The following SPATA33 variants were observed in gnomAD, a reference collection of about 807,000 sequenced individuals.
SPATA33 encodes the protein spermatogenesis-associated protein 33.
In SPATA33, 10 loss-of-function variants were observed where a neutral mutation model predicts 8.9. The ratio of observed to expected loss-of-function variants is 1.12; its 90% CI spans 0.69 to 1.90. The LOEUF (loss-of-function observed/expected upper bound fraction) is 1.90, where lower values mean the gene tolerates loss of function less well. Among genes scored for constraint, SPATA33 ranks in the 40% most tolerant of loss-of-function variants. The pLI is 0.00. For synonymous variants in SPATA33, 96 were observed against 72.8 expected, an observed-to-expected ratio of 1.32 and a Z score of -1.63; for missense variants, 241 against 178.3, an observed-to-expected ratio of 1.35 and a Z score of -2.00.
chr16:89,668,629 C>T (rs991175966), intron 2 of SPATA33, among the ~76,000 whole-genome samples: 7 of 150,696 alleles, frequency 4.6e-5, no homozygotes, highest in African/African-American at 1.2e-4. Context: ...AGGGGGCGGG[C>T]GGCTGTGTCT....
rs1463059321 is a variant in SPATA33 at position 89,669,943 on chromosome 16, C to A, written c.*446C>A. The A allele has an allele frequency of 1.1e-5, 2 of 175,490 alleles. No homozygotes were observed. The highest frequency in any genetic ancestry group is 2.2e-4 in the South Asian group (2 of 9,078). 10.9% of individuals were successfully genotyped at this position (175,490 alleles called of 1,614,324 possible). On this transcript the variant is annotated 3_prime_UTR_variant, in exon 3 of 3. Coordinates refer to ENST00000579310, the MANE Select transcript of SPATA33 (RefSeq NM_001271907.2). ...GGGAGGGTGCACCAGGGCTGCCCCA[C>A]GCTGTAAGAAGCCGCCGCCCCCTTC...
In SPATA33 at chr16:89,669,564, T is replaced by G; in HGVS notation, c.*67T>G. On this transcript the variant is annotated 3_prime_UTR_variant, in exon 3 of 3. Coordinates refer to ENST00000579310, the MANE Select transcript of SPATA33 (RefSeq NM_001271907.2). ...CGTCTCGGGAACAGCCGCCTCACCC[T>G]GTGAGAAGCCGAGGCCCCTTCTCCA... The G allele has an allele frequency of 6.6e-7, 1 of 1,526,012 alleles. No homozygotes were observed. Among genetic ancestry groups the G allele is most frequent in the Non-Finnish European group, 9.0e-7 (1 of 1,116,272 alleles). 94.5% of individuals were successfully genotyped at this position (1,526,012 alleles called of 1,614,324 possible).
At chr16:89,665,636 T>TA (rs1439488810) in intron 2 of SPATA33, among the ~76,000 whole-genome samples, 1 of 152,156 alleles carries the variant, frequency 6.6e-6, no homozygotes, top group Non-Finnish European at 1.5e-5. Flanking sequence ...ATGAAGAAAC[T>TA]ATACTTTGAG....
At chr16:89,669,147 T>G in intron 2 of SPATA33, 139 bp from the exon 3 acceptor site, 1 of 733,688 alleles carries the variant, frequency 1.4e-6, no homozygotes, top group East Asian at 2.7e-5. Context: ...TGGACAGTTT[T>G]GATCACTTTT....
rs1037785241 is a variant in SPATA33, at chr16:89,669,689, C to T, written c.*192C>T. On this transcript the variant is annotated 3_prime_UTR_variant, in exon 3 of 3. Transcript: ENST00000579310. The stretch of plus-strand genomic sequence containing the variant: ...GGAGGGTGCACCAGGCCCGCCCCAC[C>T]TTGTGAGAAGCCGTGGCCCCCTTCT... 2 of 609,854 alleles carry T rather than the reference C, an allele frequency of 3.3e-6. No individual in the cohort carries two copies. Among genetic ancestry groups the T allele is most frequent in the East Asian group, 2.8e-5 (1 of 35,596 alleles). 37.8% of individuals were successfully genotyped at this position (609,854 alleles called of 1,614,324 possible).
chr16:89,663,241 CT>C (rs35836835), intron 2 of SPATA33, among the ~76,000 whole-genome samples: 21,582 of 137,968 alleles, frequency 0.16, 1,653 homozygotes, highest in South Asian at 0.24. Context: ...GATTCCATTT[CT>C]TTTTTTTTTT....
In SPATA33 at chr16:89,657,920, T is replaced by C; in HGVS notation, c.9T>C (p.Leu3=). The C allele has an allele frequency of 1.3e-6, 2 of 1,518,576 alleles. No homozygotes were observed. The highest frequency in any genetic ancestry group is 2.6e-5 in the East Asian group (1 of 38,560). The allele number at this position is 1,518,576 out of a possible 1,614,324, so 94.1% of individuals were successfully genotyped here. Residue 3 remains leucine, a synonymous_variant, in exon 1 of 3, where the codon CTT becomes CTC. Transcript: ENST00000579310. MG[L]SKSKEKPRKG... Reference sequence around the variant, plus strand: ...GGGCGGTGGGCTCACCCATGGGCCTTTCCAAAAGCAAAGAGAAACCCAGGA... The same window carrying C: ...GGGCGGTGGGCTCACCCATGGGCCTCTCCAAAAGCAAAGAGAAACCCAGGA...
chr16:89,664,882 G>A (rs547605949), intron 2 of SPATA33, among the ~76,000 whole-genome samples: 8 of 152,336 alleles, frequency 5.3e-5, no homozygotes, highest in Admixed American at 2.6e-4. Context: ...CACCCCTGAC[G>A]ACGAATGCAG....
intron 1 of SPATA33, 56 bp from the exon 2 acceptor site, chr16:89,658,192 C>A: frequency 1.2e-6 from 2 of 1,605,272 alleles, no homozygotes; most frequent in Non-Finnish European, 1.7e-6. Flanking sequence ...GACGATGGGA[C>A]CCACTGCCCT....
chr16:89,660,311 A>G, intron 2 of SPATA33: 1 of 441,744 alleles, frequency 2.3e-6, no homozygotes, highest in Non-Finnish European at 3.7e-6. Flanking sequence ...GGACTCATTC[A>G]ATGGTGCAAA....
intron 2 of SPATA33, chr16:89,660,500 T>A (rs2059952880): frequency 2.4e-6 from 3 of 1,230,746 alleles, no homozygotes; most frequent in Non-Finnish European, 3.0e-6. Context: ...GAGAACAGAG[T>A]TTCAGCAGAT....
chr16:89,661,593 G>C (rs950834707), intron 2 of SPATA33: 3 of 152,084 alleles, frequency 2.0e-5, no homozygotes, highest in African/African-American at 7.3e-5. Flanking sequence ...TACTACTTCT[G>C]TATATGCTTA....
intron 2 of SPATA33, 84 bp from the exon 3 acceptor site, chr16:89,669,202 A>T: frequency 7.8e-7 from 1 of 1,285,650 alleles, no homozygotes; most frequent in East Asian, 2.3e-5. Context: ...TAATTCCTTT[A>T]CTCTGACCAA....
At chr16:89,664,833 C>T (rs1401446638) in intron 2 of SPATA33, among the ~76,000 whole-genome samples, 1 of 152,164 alleles carries the variant, frequency 6.6e-6, no homozygotes, top group African/African-American at 2.4e-5. Context: ...TGCAGCCGGC[C>T]CCTGGAATTC....
intron 2 of SPATA33, among the ~76,000 whole-genome samples, chr16:89,662,288 C>A (rs1265026786): frequency 1.7e-5 from 2 of 115,186 alleles, no homozygotes; most frequent in African/African-American, 3.8e-5. Flanking sequence ...AGTGAGACTC[C>A]ATCTCAAAAA....
intron 2 of SPATA33, among the ~76,000 whole-genome samples, chr16:89,663,935 A>G (rs1027590663): frequency 7.9e-5 from 12 of 152,204 alleles, no homozygotes; most frequent in Admixed American, 6.5e-5. Context: ...CCTGGGCAAC[A>G]TGGTGAAACC....
intron 2 of SPATA33, among the ~76,000 whole-genome samples, chr16:89,665,997 C>T (rs1047420497): frequency 2.0e-5 from 3 of 152,108 alleles, no homozygotes; most frequent in African/African-American, 4.8e-5. Flanking sequence ...AGGAGAATCA[C>T]TTGAACCTGG....
intron 2 of SPATA33, among the ~76,000 whole-genome samples, chr16:89,666,489 C>T (rs924850180): frequency 2.0e-5 from 3 of 152,090 alleles, no homozygotes; most frequent in African/African-American, 4.8e-5. Context: ...ATGGCAAAAC[C>T]GTGTCTCTAC....
chr16:89,660,579 C>T, intron 2 of SPATA33: 2 of 1,227,174 alleles, frequency 1.6e-6, no homozygotes, highest in Non-Finnish European at 1.0e-6. Context: ...CTGCTGACTC[C>T]CTTGCCACAC....
Sources: gnomAD v4.1 joint callset for allele counts (sites outside exome capture counted in the v4.1 genomes callset) on GRCh38, gnomAD v4.1.1 for gene constraint, MANE v1.5 for transcripts, NCBI Gene and HGNC (gene_info 2026-07-23, HGNC 2026-07-21) for gene names.